Variants in RASSF8 observed in about 807,000 individuals in gnomAD.
The protein encoded by RASSF8 is ras association domain-containing protein 8.
Under a neutral mutation model 48.5 loss-of-function variants are expected in RASSF8, and 22 were observed. That is an observed-to-expected ratio of 0.45 (90% CI 0.32 to 0.65). The LOEUF (loss-of-function observed/expected upper bound fraction) is 0.65. Among genes scored for constraint, RASSF8 ranks in the 30% least tolerant of loss-of-function variants. The pLI is 0.03. For missense variants in RASSF8, 418 were observed against 489.2 expected, an observed-to-expected ratio of 0.85 and a Z score of 1.37; for synonymous variants, 127 against 171.5, an observed-to-expected ratio of 0.74 and a Z score of 2.03.
chr12:26,047,362 T>C (rs768667045), intron 2 of RASSF8, among the ~76,000 whole-genome samples: 1 of 152,220 alleles, frequency 6.6e-6, no homozygotes, highest in Non-Finnish European at 1.5e-5. Flanking sequence ...AATGTTCTTA[T>C]ATCAATAATA....
chr12:25,975,812 A>G (rs1419045562), intron 1 of RASSF8, among the ~76,000 whole-genome samples: 2 of 152,202 alleles, frequency 1.3e-5, no homozygotes, highest in Admixed American at 1.3e-4. Context: ...GGACAGTGGC[A>G]TAAAGGTGGA....
intron 2 of RASSF8, among the ~76,000 whole-genome samples, chr12:26,003,561 G>T (rs1214824005): frequency 6.6e-6 from 1 of 151,964 alleles, no homozygotes; most frequent in Non-Finnish European, 1.5e-5. Flanking sequence ...ATGGAAAAAT[G>T]ATAACCTGAA....
chr12:26,002,891 A>C (rs1942295177), intron 2 of RASSF8, among the ~76,000 whole-genome samples: 1 of 152,212 alleles, frequency 6.6e-6, no homozygotes, highest in Non-Finnish European at 1.5e-5. Flanking sequence ...GTATGATGTT[A>C]GCTGTGGGTT....
Position 25,967,138 on chromosome 12 carries a change from G to A in RASSF8, c.-203+7990G>A, listed in dbSNP as rs549516321. ...TTACACAGTATTGTTAATTATCACA[G>A]CTGGATGACCAACTAAATGAAAAGC... On this transcript the variant is annotated intron_variant, in intron 1 of 5. Transcript: ENST00000689635. Among the ~76,000 whole-genome samples the A allele has an allele frequency of 5.3e-5, 8 of 152,284 alleles. No individual in the cohort carries two copies. In the South Asian group the frequency reaches 1.7e-3, roughly 32 times the overall value.
In RASSF8 at chr12:26,071,197, C is replaced by A; in HGVS notation, c.*2379C>A. 1.0e-6 allele frequency: 1 copy of A among 979,356 alleles called. No homozygotes were observed. The highest frequency in any genetic ancestry group is 4.7e-5 in the South Asian group (1 of 21,148). 60.7% of individuals were successfully genotyped at this position (979,356 alleles called of 1,614,324 possible). On this transcript the variant is annotated 3_prime_UTR_variant, in exon 6 of 6. Transcript: ENST00000689635. Reference sequence around the variant, plus strand: ...TCTAAGACTCAGAGGGAAAAAAACTCGTTTTCATAGGATCATCTGAAGATA... The same window carrying A: ...TCTAAGACTCAGAGGGAAAAAAACTAGTTTTCATAGGATCATCTGAAGATA...
chr12:26,078,930 C>A, intron 5 of RASSF8: 3 of 1,130,668 alleles, frequency 2.7e-6, no homozygotes, highest in South Asian at 4.5e-5. Context: ...AAGACAAAGA[C>A]CCAAACTAAA....
In RASSF8 at chr12:26,060,345, G is replaced by C. The variant is rs550211018; in HGVS notation, c.104-4153G>C. Among the ~76,000 whole-genome samples, 78 of 152,250 alleles carry C rather than the reference G, an allele frequency of 5.1e-4. 2 individuals carry two copies. In the South Asian group the frequency reaches 0.015, roughly 28 times the overall value. On this transcript the variant is annotated intron_variant, in intron 3 of 5. Transcript: ENST00000689635. ...CACAACTGGCTGACAGGTATATTCA[G>C]AGATAATTTTTTATTGTATCACTGT... is the stretch of plus-strand genomic sequence containing the variant.
At chr12:25,981,595 A>G (rs1156586108) in intron 1 of RASSF8, among the ~76,000 whole-genome samples, 2 of 152,232 alleles carry the variant, frequency 1.3e-5, no homozygotes, top group African/African-American at 4.8e-5. Context: ...TTTACCATGC[A>G]CTGATAAATT....
At position 25,977,381 on chromosome 12, in the gene RASSF8, C is replaced by CT. The variant is rs1941631489; in HGVS notation, c.-202-17654dup. ...CATTACACAGAGAGAAACTAACTGGCTTATATGGTAGTTTGCCCATAACCA... is the reference window on the plus strand; with the variant it reads ...CATTACACAGAGAGAAACTAACTGGCTTTATATGGTAGTTTGCCCATAACCA... On this transcript the variant is annotated intron_variant, in intron 1 of 5. Coordinates refer to ENST00000689635, the MANE Select transcript of RASSF8 (RefSeq NM_001394098.1). 2.6e-5 allele frequency among the ~76,000 whole-genome samples: 4 copies of CT among 152,222 alleles called. No individual in the cohort carries two copies. In the South Asian group the frequency reaches 8.3e-4, roughly 32 times the overall value.
chr12:25,996,581 A>T (rs1994996), intron 2 of RASSF8, among the ~76,000 whole-genome samples: 136,837 of 152,156 alleles, frequency 0.9, 61,639 homozygotes, highest in East Asian at 0.99. Context: ...TTGATTGGGG[A>T]TTGCTGCTGA....
At chr12:26,079,285 A>G (rs536083319) in exon 6 of RASSF8, 15 of 407,272 alleles carry the variant, frequency 3.7e-5, no homozygotes, top group Non-Finnish European at 4.8e-5. Flanking sequence ...AAATAATCCA[A>G]TTAAAAATGG....
At chr12:26,074,102 A>G (rs1944049019), downstream of RASSF8, among the ~76,000 whole-genome samples, 1 of 152,134 alleles carries the variant, frequency 6.6e-6, no homozygotes, top group Non-Finnish European at 1.5e-5. Context: ...TAAAATGTTA[A>G]TTATCCACCC....
At chr12:25,984,239 T>TC (rs1041526181) in intron 1 of RASSF8, among the ~76,000 whole-genome samples, 5 of 145,562 alleles carry the variant, frequency 3.4e-5, no homozygotes, top group Non-Finnish European at 6.0e-5. Flanking sequence ...TTTTTTTTTT[T>TC]TTTTTTTTTT....
chr12:26,076,707 T>C (rs573975111), downstream of RASSF8, among the ~76,000 whole-genome samples: 4 of 152,344 alleles, frequency 2.6e-5, no homozygotes, highest in Admixed American at 6.5e-5. Flanking sequence ...CTATTGTGAA[T>C]AGTGCCACAA....
intron 2 of RASSF8, among the ~76,000 whole-genome samples, chr12:26,042,047 C>T (rs1022036371): frequency 1.3e-5 from 2 of 152,032 alleles, no homozygotes; most frequent in African/African-American, 2.4e-5. Flanking sequence ...AAAAATGAAA[C>T]GAGGTATATA....
At chr12:25,993,002 A>G (rs994829591) in intron 1 of RASSF8, among the ~76,000 whole-genome samples, 4 of 152,040 alleles carry the variant, frequency 2.6e-5, no homozygotes, top group South Asian at 2.1e-4. Flanking sequence ...TGAACAATGG[A>G]TTGAGTAGTT....
chr12:26,023,433 T>C (rs1331712879), intron 2 of RASSF8, among the ~76,000 whole-genome samples: 1 of 152,208 alleles, frequency 6.6e-6, no homozygotes, highest in East Asian at 1.9e-4. Flanking sequence ...GATTAATAGC[T>C]GACTTCTCAT....
chr12:25,962,459 A>T (rs574942556), intron 1 of RASSF8, among the ~76,000 whole-genome samples: 4 of 152,166 alleles, frequency 2.6e-5, no homozygotes, highest in Admixed American at 1.3e-4. Flanking sequence ...TTAATCACTT[A>T]GGGTCCTTTT....
chr12:25,965,586 C>A (rs942521986), intron 1 of RASSF8, among the ~76,000 whole-genome samples: 7 of 151,434 alleles, frequency 4.6e-5, no homozygotes, highest in Non-Finnish European at 1.0e-4. Context: ...TATCTCTCCA[C>A]CTCAAATGAT....
Sources: allele counts gnomAD v4.1 joint callset (sites outside exome capture counted in the v4.1 genomes callset), GRCh38; gene constraint gnomAD v4.1.1; transcripts MANE v1.5; gene names NCBI Gene and HGNC (gene_info 2026-07-23, HGNC 2026-07-21).